The following ANO3 variants were observed in gnomAD, a reference collection of about 807,000 sequenced individuals.
ANO3 encodes anoctamin-3.
A neutral mutation model predicts 144.8 loss-of-function variants in ANO3; 99 were observed. The ratio of observed to expected loss-of-function variants is 0.68; its 90% CI spans 0.58 to 0.81. ANO3 has a LOEUF of 0.81. ANO3 is among the 30% of genes least tolerant of loss of function. The pLI, the probability that ANO3 is intolerant of heterozygous loss-of-function variation, is 0.00. For missense variants in ANO3, 905 were observed against 1,202.2 expected, an observed-to-expected ratio of 0.75 and a Z score of 3.66; for synonymous variants, 414 against 392.6, an observed-to-expected ratio of 1.05 and a Z score of -0.64.
chr11:26,507,864 C>T (rs1861498068), intron 4 of ANO3, among the ~76,000 whole-genome samples: 1 of 152,078 alleles, frequency 6.6e-6, no homozygotes, highest in African/African-American at 2.4e-5. Context: ...TATGCCAGCA[C>T]CAGAGAACCC....
At chr11:26,384,987 A>G (rs1039199349) in intron 1 of ANO3, among the ~76,000 whole-genome samples, 11 of 152,150 alleles carry the variant, frequency 7.2e-5, no homozygotes, top group African/African-American at 9.7e-5. Context: ...TCTACCCTCT[A>G]GTATGTTTAT....
Position 26,200,710 on chromosome 11 carries a change from G to A in ANO3, c.154+11380G>A, listed in dbSNP as rs1851676947. On this transcript the variant is annotated intron_variant, in intron 1 of 27. Transcript: ENST00000672621. ...ATATTACATGTATGATATATCTTGG[G>A]GTTAGCAAAAGAAAGTTGCATAATA... Among the ~76,000 whole-genome samples, 3 of 152,160 alleles carry A rather than the reference G, an allele frequency of 2.0e-5. No homozygotes were observed. The South Asian group carries it at 6.2e-4, about 32-fold the overall frequency.
chr11:26,594,987 G>C (rs1851566290), intron 14 of ANO3, among the ~76,000 whole-genome samples: 1 of 152,050 alleles, frequency 6.6e-6, no homozygotes, highest in Non-Finnish European at 1.5e-5. Flanking sequence ...GGGTCAAATT[G>C]GTCCCAATTC....
chr11:26,418,191 T>C (rs1385212932), intron 1 of ANO3, among the ~76,000 whole-genome samples: 1 of 152,050 alleles, frequency 6.6e-6, no homozygotes, highest in Non-Finnish European at 1.5e-5. Flanking sequence ...TTACAAATGT[T>C]AATAATAGGC....
rs752438723 is a variant in ANO3, at chr11:26,643,346, A to C, written c.2428+12A>C. 2.5e-6 allele frequency: 4 copies of C among 1,613,380 alleles called. No homozygotes were observed. In the South Asian group the frequency reaches 4.4e-5, roughly 18 times the overall value. The stretch of plus-strand genomic sequence containing the variant: ...AGCAACTGACATAGGTAAGATTCGG[A>C]AGTTAAATGATTTTTACGTTGCTAA... On this transcript the variant is annotated intron_variant, in intron 23 of 26. Transcript: ENST00000256737.
intron 1 of ANO3, among the ~76,000 whole-genome samples, chr11:26,237,801 T>G (rs905615829): frequency 1.3e-5 from 2 of 152,092 alleles, no homozygotes; most frequent in Non-Finnish European, 2.9e-5. Context: ...CAGTCCCTAT[T>G]TCTAACAAGT....
intron 1 of ANO3, among the ~76,000 whole-genome samples, chr11:26,433,991 A>G (rs1030153906): frequency 3.3e-5 from 5 of 152,122 alleles, no homozygotes; most frequent in Non-Finnish European, 7.4e-5. Flanking sequence ...TTCTTTATCC[A>G]TCTGGTACAA....
intron 1 of ANO3, among the ~76,000 whole-genome samples, chr11:26,237,737 C>CT (rs1193139842): frequency 6.6e-6 from 1 of 151,876 alleles, no homozygotes; most frequent in Non-Finnish European, 1.5e-5. Flanking sequence ...ACTAAAAATA[C>CT]TTAATAGTAG....
chr11:26,355,862 C>T lies in ANO3; in HGVS notation c.46+23541C>T, dbSNP rs551661670. 4.7e-3 allele frequency among the ~76,000 whole-genome samples: 716 copies of T among 152,176 alleles called. 8 individuals are homozygous for T. The highest frequency in any genetic ancestry group is 0.016 in the African/African-American group (666 of 41,536). ...GGCGTGAGCCACCGTGCCAAGCCCC[C>T]GCCGAAAATTCATAATGCTGATTCT... On this transcript the variant is annotated intron_variant, in intron 1 of 26. Coordinates refer to ENST00000256737, the MANE Select transcript of ANO3 (RefSeq NM_031418.4).
chr11:26,445,494 G>T (rs767054134), intron 3 of ANO3, among the ~76,000 whole-genome samples: 51 of 151,984 alleles, frequency 3.4e-4, no homozygotes, highest in Admixed American at 7.2e-4. Context: ...GTAACTTTAT[G>T]ATTCTTTTCT....
At position 26,636,648 on chromosome 11, in the gene ANO3, T is replaced by A. The variant is rs143884574; in HGVS notation, c.2043+1578T>A. ...ACAATTGTACAAACATAAACACTGA[T>A]GAAGTTATGATTTAAATCTTTTCAG... On this transcript the variant is annotated intron_variant, in intron 20 of 26. Transcript: ENST00000256737. Among the ~76,000 whole-genome samples, 8 of 152,358 alleles carry A rather than the reference T, an allele frequency of 5.3e-5. No individual in the cohort carries two copies. The East Asian group carries it at 1.5e-3, about 29-fold the overall frequency.
intron 20 of ANO3, 118 bp downstream of exon 20, chr11:26,635,188 C>T (rs1014596765): frequency 1.4e-5 from 12 of 844,256 alleles, no homozygotes; most frequent in African/African-American, 6.7e-5. Context: ...TTGAAGACGA[C>T]ACATTGTTCA....
intron 1 of ANO3, among the ~76,000 whole-genome samples, chr11:26,326,818 A>T (rs1854897292): frequency 6.6e-6 from 1 of 152,186 alleles, no homozygotes; most frequent in Admixed American, 6.6e-5. Context: ...CACACCCAGG[A>T]TACTTGCTGA....
intron 1 of ANO3, among the ~76,000 whole-genome samples, chr11:26,283,129 C>T (rs1013570581): frequency 4.0e-5 from 6 of 150,782 alleles, no homozygotes; most frequent in African/African-American, 1.5e-4. Context: ...ATTAGTATTG[C>T]CATATACATT....
chr11:26,544,273 T>TATATATATATATATATATACACAC, intron 11 of ANO3, among the ~76,000 whole-genome samples: 44 of 58,510 alleles, frequency 7.5e-4, no homozygotes, highest in African/African-American at 1.9e-3. Context: ...TATATATATA[T>TATATATATATATATATATACACAC]ACACACATAC....
intron 17 of ANO3, among the ~76,000 whole-genome samples, chr11:26,601,294 G>A (rs1454246603): frequency 6.6e-6 from 1 of 152,168 alleles, no homozygotes; most frequent in Non-Finnish European, 1.5e-5. Context: ...CCTGGAGGGA[G>A]TTGAGACCAT....
intron 14 of ANO3, among the ~76,000 whole-genome samples, chr11:26,596,260 C>T (rs1450792347): frequency 6.6e-6 from 1 of 152,174 alleles, no homozygotes; most frequent in East Asian, 1.9e-4. Flanking sequence ...CTCTCTCCCT[C>T]TCTGCCTCTC....
At chr11:26,244,182 G>A (rs1405944040) in intron 1 of ANO3, among the ~76,000 whole-genome samples, 1 of 151,688 alleles carries the variant, frequency 6.6e-6, no homozygotes, top group African/African-American at 2.4e-5. Flanking sequence ...TGATCACTGA[G>A]GCTTGGGAAC....
intron 14 of ANO3, among the ~76,000 whole-genome samples, chr11:26,564,609 T>A (rs924658072): frequency 1.7e-4 from 25 of 147,640 alleles, no homozygotes; most frequent in African/African-American, 5.9e-4. Context: ...ACATAATAAA[T>A]TGTTTGTGAT....
Sources: allele counts gnomAD v4.1 joint callset (sites outside exome capture counted in the v4.1 genomes callset), GRCh38; gene constraint gnomAD v4.1.1; transcripts MANE v1.5; gene names NCBI Gene and HGNC (gene_info 2026-07-23, HGNC 2026-07-21).